ZNF75D: variants seen among roughly 807,000 people sequenced by gnomAD.
ZNF75D encodes zinc finger protein 75D.
A neutral mutation model predicts 33.3 loss-of-function variants in ZNF75D; 33 were observed. That is an observed-to-expected ratio of 0.99 (90% confidence interval 0.75 to 1.32). ZNF75D has a LOEUF of 1.32. Among genes scored for constraint, ZNF75D ranks in the 40% most tolerant of loss-of-function variants. The pLI is 0.00. For synonymous variants in ZNF75D, 113 were observed against 130.6 expected, an observed-to-expected ratio of 0.87 and a Z score of 0.92; for missense variants, 338 against 367.5, an observed-to-expected ratio of 0.92 and a Z score of 0.66.
At chrX:135,269,297 A>G (rs2083873889) in intron 1 of ZNF75D, among the ~76,000 whole-genome samples, 1 of 111,857 alleles carries the variant, frequency 8.9e-6, no homozygotes, top group South Asian at 3.7e-4. Flanking sequence ...AGAAACAACC[A>G]ACAAAGGGAA....
intron 1 of ZNF75D, among the ~76,000 whole-genome samples, chrX:135,278,218 T>C (rs1442989598): frequency 9.0e-6 from 1 of 111,571 alleles, no homozygotes; most frequent in African/African-American, 3.3e-5. Flanking sequence ...CCCTTGTAAG[T>C]TGGATTCCTA....
At chrX:135,321,979 AT>A (rs781965651) in intron 1 of ZNF75D, among the ~76,000 whole-genome samples, 71 of 112,074 alleles carry the variant, frequency 6.3e-4, no homozygotes, top group African/African-American at 2.1e-3. Context: ...CTAACCTTTG[AT>A]TTACTGCAGG....
At chrX:135,305,529 T>A (rs782779906) in intron 1 of ZNF75D, among the ~76,000 whole-genome samples, 76 of 111,677 alleles carry the variant, frequency 6.8e-4, no homozygotes, top group African/African-American at 2.4e-3. Context: ...TGAAGAAGTA[T>A]ATCTCTTGCG....
chrX:135,308,507 T>C (rs1267125492), intron 1 of ZNF75D, among the ~76,000 whole-genome samples: 2 of 112,104 alleles, frequency 1.8e-5, no homozygotes, highest in Admixed American at 1.9e-4. Flanking sequence ...ACAGAGAAAC[T>C]ATAGAGCAGT....
rs1732807584 is a variant in ZNF75D at position 135,249,220 on chromosome X, C to A, written n.1378G>T. 4.1e-5 allele frequency: 13 copies of A among 318,608 alleles called. No homozygotes were observed. In the Admixed American group the frequency reaches 4.1e-4, roughly 10 times the overall value. The allele number at this position is 318,608 out of a possible 1,213,427, so 26.3% of individuals were successfully genotyped here. A position where few individuals can be genotyped will look rare whatever the true frequency, so the allele number is the denominator to read the frequency against. On this transcript the variant is annotated non_coding_transcript_exon_variant, in exon 4 of 4. Coordinates refer to the ZNF75D transcript ENST00000494295. ...CCTCCTGATGCTCCATGCAGATGTG[C>A]TGGGACCTACTTCAGAGTGTCCCTG...
chrX:135,318,651 A>G (rs2084455708), intron 1 of ZNF75D, among the ~76,000 whole-genome samples: 1 of 111,955 alleles, frequency 8.9e-6, no homozygotes, highest in Non-Finnish European at 1.9e-5. Flanking sequence ...AAATTAATAA[A>G]CATATAAAAC....
At chrX:135,265,140 A>G (rs953294813) in intron 1 of ZNF75D, among the ~76,000 whole-genome samples, 1 of 108,983 alleles carries the variant, frequency 9.2e-6, no homozygotes, top group Non-Finnish European at 1.9e-5. Context: ...AATCGCTTGA[A>G]CCCGGGAGGC....
In ZNF75D at chrX:135,293,954, G is replaced by A; in HGVS notation, c.187C>T (p.Pro63Ser). ...WSFRYHEATG[P>S]LETISQLQKL... ...TGAAGTTGGCTGATAGTCTCAAGCG[G>A]TCCGGTTGCTTCATGATAACGGAAG... The change falls in exon 3 of 7, where the codon CCG becomes TCG. Residue 63 changes from proline to serine, a missense_variant. Transcript: ENST00000370766. 8.3e-7 allele frequency: 1 copy of A among 1,211,599 alleles called. No homozygotes were observed. Among genetic ancestry groups the A allele is most frequent in the South Asian group, 1.8e-5 (1 of 56,937 alleles).
At chrX:135,293,132 C>T (rs1188994937) in intron 3 of ZNF75D, among the ~76,000 whole-genome samples, 1 of 111,906 alleles carries the variant, frequency 8.9e-6, no homozygotes, top group Non-Finnish European at 1.9e-5. Flanking sequence ...AATGACAAGC[C>T]ACTAAGTGAG....
At chrX:135,314,770 G>C (rs1211979135) in intron 1 of ZNF75D, among the ~76,000 whole-genome samples, 1 of 111,752 alleles carries the variant, frequency 8.9e-6, no homozygotes, top group Non-Finnish European at 1.9e-5. Flanking sequence ...GCATATAGGT[G>C]TTCATAATAC....
chrX:135,259,884 G>A (rs1569485613), intron 1 of ZNF75D, among the ~76,000 whole-genome samples: 1 of 111,921 alleles, frequency 8.9e-6, no homozygotes, highest in African/African-American at 3.3e-5. Flanking sequence ...TTTTCAAAGG[G>A]AATGCTTCCA....
downstream of ZNF75D, among the ~76,000 whole-genome samples, chrX:135,281,291 G>C (rs899770593): frequency 2.8e-5 from 3 of 108,890 alleles, no homozygotes; most frequent in Middle Eastern, 4.7e-3. Flanking sequence ...ATTGATACTT[G>C]TGTATGCTTC....
At chrX:135,330,343 T>C (rs1556440043) in intron 1 of ZNF75D, 1 of 111,607 alleles carries the variant, frequency 9.0e-6, no homozygotes, top group Non-Finnish European at 1.9e-5. Context: ...CTGGGTCCAC[T>C]TGGTTATCTT....
intron 1 of ZNF75D, among the ~76,000 whole-genome samples, chrX:135,278,538 G>A (rs1172739609): frequency 8.9e-6 from 1 of 111,881 alleles, no homozygotes; most frequent in African/African-American, 3.3e-5. Flanking sequence ...AATAGGAGTG[G>A]TGAGAGAGGG....
chrX:135,314,947 T>C (rs2084402166), intron 1 of ZNF75D, among the ~76,000 whole-genome samples: 1 of 112,076 alleles, frequency 8.9e-6, no homozygotes, highest in South Asian at 3.7e-4. Context: ...TTGTTTCTAG[T>C]CTCCACTTAA....
intron 1 of ZNF75D, among the ~76,000 whole-genome samples, chrX:135,309,196 G>A (rs1285340424): frequency 1.5e-4 from 17 of 112,045 alleles, no homozygotes; most frequent in Non-Finnish European, 1.9e-5. Flanking sequence ...AGCACTTTGA[G>A]TACAATCTAA....
intron 1 of ZNF75D, among the ~76,000 whole-genome samples, chrX:135,279,563 T>G (rs2083912497): frequency 8.9e-6 from 1 of 111,780 alleles, no homozygotes; most frequent in Non-Finnish European, 1.9e-5. Context: ...TCTCTAGTTC[T>G]TTTAATTGTG....
intron 1 of ZNF75D, among the ~76,000 whole-genome samples, chrX:135,338,360 C>T (rs182613885): frequency 8.1e-5 from 9 of 111,748 alleles, no homozygotes; most frequent in Admixed American, 2.8e-4. Flanking sequence ...GCAGATGGTA[C>T]CCATCAGTAC....
intron 1 of ZNF75D, among the ~76,000 whole-genome samples, chrX:135,262,514 C>T (rs923425145): frequency 9.0e-6 from 1 of 111,678 alleles, no homozygotes; most frequent in Non-Finnish European, 1.9e-5. Flanking sequence ...TTTTCTCTAA[C>T]CTTGTCTTCT....
Sources: allele counts gnomAD v4.1 joint callset (sites outside exome capture counted in the v4.1 genomes callset), GRCh38; gene constraint gnomAD v4.1.1; transcripts MANE v1.5; gene names NCBI Gene and HGNC (gene_info 2026-07-23, HGNC 2026-07-21).